PON1: variants seen among roughly 807,000 people sequenced by gnomAD.
PON1 encodes the protein paraoxonase 1, also known as serum paraoxonase/arylesterase 1.
PON1 carries 37 observed loss-of-function variants against 39.2 expected under a neutral mutation model. That is an observed-to-expected ratio of 0.94 (90% CI 0.73 to 1.24). The LOEUF is 1.24. Ranked by LOEUF, PON1 falls within the 50% of genes most tolerant of loss-of-function variation. The pLI, the probability that PON1 is intolerant of heterozygous loss-of-function variation, is 0.00. For missense variants in PON1, 397 were observed against 413.5 expected (o/e 0.96, Z 0.35); for synonymous variants, 148 against 152.2 (o/e 0.97, Z 0.21).
Position 95,298,908 on chromosome 7 carries a change from G to T in PON1, c.*36C>A. ...AATATGGCAAGCGGTTGAAATAATGGCCTCAGTTTCTATGGCATGGGTGCA... is the reference window on the plus strand; with the variant it reads ...AATATGGCAAGCGGTTGAAATAATGTCCTCAGTTTCTATGGCATGGGTGCA... On this transcript the variant is annotated 3_prime_UTR_variant, in exon 9 of 9. Transcript: ENST00000222381. The T allele has an allele frequency of 1.2e-6, 2 of 1,613,356 alleles. No homozygotes were observed. Among genetic ancestry groups the T allele is most frequent in the South Asian group, 1.1e-5 (1 of 91,066 alleles).
chr7:95,306,862 T>C (rs1807551228), intron 6 of PON1, among the ~76,000 whole-genome samples: 1 of 152,076 alleles, frequency 6.6e-6, no homozygotes, highest in Admixed American at 6.5e-5. Context: ...GTCCTGACCC[T>C]GTGGCTTTAG....
chr7:95,314,107 C>A (rs1807713549), intron 4 of PON1, among the ~76,000 whole-genome samples: 1 of 151,994 alleles, frequency 6.6e-6, no homozygotes, highest in South Asian at 2.1e-4. Context: ...AACTGTAATC[C>A]CAGCACTTTG....
chr7:95,322,940 C>T (rs1807931601), intron 1 of PON1, among the ~76,000 whole-genome samples: 1 of 152,198 alleles, frequency 6.6e-6, no homozygotes, highest in African/African-American at 2.4e-5. Context: ...CACACATACA[C>T]TCCAAGTCTG....
At chr7:95,301,859 G>A (rs1050671675) in intron 8 of PON1, among the ~76,000 whole-genome samples, 9 of 151,370 alleles carry the variant, frequency 5.9e-5, no homozygotes, top group Admixed American at 1.3e-4. Flanking sequence ...AGGCCGAGGC[G>A]GGTGGATCAC....
rs888719284 is a variant in PON1 at position 95,298,131 on chromosome 7, G to A, written c.*813C>T. On this transcript the variant is annotated 3_prime_UTR_variant, in exon 9 of 9. Transcript: ENST00000222381. The stretch of plus-strand genomic sequence containing the variant: ...CCACCTCAACAACAGTGTAGTCTTT[G>A]GGGACACTTTTAGCTTCGCCCATGT... 1 of 152,128 alleles carries A rather than the reference G, an allele frequency of 6.6e-6. No individual in the cohort carries two copies. Among genetic ancestry groups the A allele is most frequent in the Non-Finnish European group, 1.5e-5 (1 of 68,070 alleles). The allele number at this position is 152,128 out of a possible 1,614,324, so 9.4% of individuals were successfully genotyped here.
Position 95,315,429 on chromosome 7 carries a change from A to G in PON1, c.263T>C (p.Met88Thr), listed in dbSNP as rs367566813. Reference protein sequence around the residue: ...NPNSPGKILLMDLNEEDPTVL... With the variant: ...NPNSPGKILLTDLNEEDPTVL... ...TGTTGGATCTTCTTCATTCAGGTCCATCAGAAGTATTTTTCCAGGACTGTT... is the reference window on the plus strand; with the variant it reads ...TGTTGGATCTTCTTCATTCAGGTCCGTCAGAAGTATTTTTCCAGGACTGTT... Residue 88 changes from methionine to threonine, a missense_variant, in exon 4 of 9, where the codon ATG becomes ACG. Coordinates refer to ENST00000222381, the MANE Select transcript of PON1 (RefSeq NM_000446.7). The G allele has an allele frequency of 1.4e-5, 23 of 1,613,886 alleles. No homozygotes were observed. The highest frequency in any genetic ancestry group is 1.6e-5 in the Non-Finnish European group (19 of 1,179,868).
chr7:95,299,014 ACTGT>A lies in PON1; in HGVS notation c.994_997del (p.Thr332LeufsTer10), dbSNP rs770646271. On this transcript the variant is annotated frameshift_variant, in exon 9 of 9. Transcript: ENST00000222381. LOFTEE classifies it high-confidence loss of function. ...CAGTTTCCCTTTGTACACAGAGGCA[ACTGT>A]ACTGCCTTGCAACACTGTGCCATTT... 6.2e-7 allele frequency: 1 copy of A among 1,614,180 alleles called. No homozygotes were observed. Among genetic ancestry groups the A allele is most frequent in the East Asian group, 2.2e-5 (1 of 44,884 alleles).
Position 95,315,490 on chromosome 7 carries a change from C to T in PON1, c.202G>A (p.Gly68Arg). ...LPNGLAFISSGLKYPGIKSFN... is the reference protein window; with the variant it reads ...LPNGLAFISSRLKYPGIKSFN... ...CTCTTTATTCCAGGATACTTTAATC[C>T]CTTATAAACCATGGAGGAGAAAAAT... The change falls in exon 4 of 9, where the codon GGA (glycine) becomes AGA (arginine). Residue 68 changes from glycine (G) to arginine (R), a missense_variant and splice_region_variant. By Grantham distance (125) the Gly-to-Arg change is moderately radical (BLOSUM62 -2). Coordinates refer to ENST00000222381, the MANE Select transcript of PON1 (RefSeq NM_000446.7). 6.2e-7 allele frequency: 1 copy of T among 1,613,600 alleles called. No homozygotes were observed. The highest frequency in any genetic ancestry group is 8.5e-7 in the Non-Finnish European group (1 of 1,179,808).
chr7:95,310,546 G>T (rs1807631049), intron 5 of PON1, among the ~76,000 whole-genome samples: 1 of 152,174 alleles, frequency 6.6e-6, no homozygotes, highest in Admixed American at 6.5e-5. Context: ...CTAGTGAGTT[G>T]ATTGGCCTTC....
intron 7 of PON1, 63 bp from the exon 8 acceptor site, chr7:95,302,396 A>G: frequency 2.7e-6 from 4 of 1,481,074 alleles, no homozygotes; most frequent in Non-Finnish European, 3.7e-6. Flanking sequence ...TGATGGAGCA[A>G]AATATATCAG....
intron 2 of PON1, 37 bp downstream of exon 2, chr7:95,318,286 A>C: frequency 6.5e-7 from 1 of 1,528,320 alleles, no homozygotes; most frequent in Non-Finnish European, 9.1e-7. Context: ...AAATACCGGA[A>C]GTTCAAATGA....
intron 8 of PON1, 29 bp downstream of exon 8, chr7:95,302,176 C>G (rs1449372765): frequency 6.6e-7 from 1 of 1,510,016 alleles, no homozygotes; most frequent in Non-Finnish European, 9.0e-7. Context: ...GGAATAAAGT[C>G]ACTTATCTGG....
chr7:95,308,677 A>G (rs913026300), intron 5 of PON1, among the ~76,000 whole-genome samples: 2 of 152,194 alleles, frequency 1.3e-5, no homozygotes, highest in African/African-American at 4.8e-5. Flanking sequence ...CTTGCATTTT[A>G]GTTTAAGCTC....
intron 5 of PON1, 45 bp from the exon 6 acceptor site, chr7:95,308,256 G>A (rs375899405): frequency 7.1e-6 from 11 of 1,547,486 alleles, no homozygotes; most frequent in Non-Finnish European, 8.9e-6. Flanking sequence ...TGAAGGTATT[G>A]AACATTACAG....
At chr7:95,320,616 C>T (rs2299262) in intron 1 of PON1, among the ~76,000 whole-genome samples, 56,208 of 152,046 alleles carry the variant, frequency 0.37, 11,213 homozygotes, top group East Asian at 0.71. Flanking sequence ...GATTGGAATT[C>T]AAGTATGAAC....
rs3917526 is a variant in PON1 at position 95,310,969 on chromosome 7, A to G, written c.497+482T>C. On this transcript the variant is annotated intron_variant, in intron 5 of 8. Coordinates refer to ENST00000222381, the MANE Select transcript of PON1 (RefSeq NM_000446.7). ...AATTGAGTGTTACCACAGATCTGCT[A>G]TTGCATAAATTTTGTGCAATCAAAC... Among the ~76,000 whole-genome samples, 1,314 of 152,300 alleles carry G rather than the reference A, an allele frequency of 8.6e-3. 17 individuals carry two copies. Among genetic ancestry groups the G allele is most frequent in the African/African-American group, 0.029 (1,217 of 41,546 alleles).
At chr7:95,308,415 G>T (rs572587951) in intron 5 of PON1, among the ~76,000 whole-genome samples, 16 of 152,112 alleles carry the variant, frequency 1.1e-4, no homozygotes, top group African/African-American at 3.1e-4. Context: ...AATCTGAGGA[G>T]GTGATTATAG....
chr7:95,313,618 A>ATGTGTGTGTGTGTGTGTGTG (rs3046663), intron 4 of PON1, among the ~76,000 whole-genome samples: 1 of 147,182 alleles, frequency 6.8e-6, no homozygotes, highest in African/African-American at 2.5e-5. Flanking sequence ...ATATATGTAT[A>ATGTGTGTGTGTGTGTGTGTG]TGTGTGTGTG....
In PON1 at chr7:95,301,935, A is replaced by AAAT. The variant is rs1554605847; in HGVS notation, c.909+269_909+270insATT. ...ACCCTGTCTCTACTAAAAAAAAAAA[A>AAAT]AAATACAAAAAATTAGCCAGGCATG... On this transcript the variant is annotated intron_variant, in intron 8 of 8. Coordinates refer to ENST00000222381, the MANE Select transcript of PON1 (RefSeq NM_000446.7). Among the ~76,000 whole-genome samples, 10 of 149,914 alleles carry AAAT rather than the reference A, an allele frequency of 6.7e-5. No homozygotes were observed. The South Asian group carries it at 1.1e-3, about 16-fold the overall frequency.
Sources: gnomAD v4.1 joint callset for allele counts (sites outside exome capture counted in the v4.1 genomes callset) on GRCh38, gnomAD v4.1.1 for gene constraint, MANE v1.5 for transcripts, NCBI Gene and HGNC (gene_info 2026-07-23, HGNC 2026-07-21) for gene names.